UTRN: variants seen among roughly 807,000 people sequenced by gnomAD.
UTRN encodes dystrophin-related protein 1.
Under a neutral mutation model 463.9 loss-of-function variants are expected in UTRN, and 283 were observed. The ratio of observed to expected loss-of-function variants is 0.61; its 90% confidence interval spans 0.55 to 0.67. UTRN has a LOEUF of 0.67. Ranked by LOEUF, UTRN falls within the 30% of genes least tolerant of loss-of-function variation. The pLI, the probability that UTRN is intolerant of heterozygous loss-of-function variation, is 0.00. For missense variants in UTRN, 3,922 were observed against 4,084.3 expected (o/e 0.96, Z 1.08); for synonymous variants, 1,442 against 1,431.5 (o/e 1.01, Z -0.17).
intron 65 of UTRN, among the ~76,000 whole-genome samples, chr6:144,807,768 T>C (rs537833149): frequency 6.6e-6 from 1 of 152,304 alleles, no homozygotes; most frequent in East Asian, 1.9e-4. Context: ...TGTATCATTT[T>C]CTAACTGTGG....
chr6:144,779,960 A>T (rs1018050907), intron 60 of UTRN, among the ~76,000 whole-genome samples: 3 of 152,224 alleles, frequency 2.0e-5, no homozygotes, highest in African/African-American at 7.2e-5. Context: ...AAAAAAAAAA[A>T]AGTCTTCCCT....
In UTRN at chr6:144,537,709, G is replaced by A. The variant is rs745991582; in HGVS notation, c.6361G>A (p.Glu2121Lys). 6.2e-7 allele frequency: 1 copy of A among 1,609,882 alleles called. No individual in the cohort carries two copies. The highest frequency in any genetic ancestry group is 1.1e-5 in the South Asian group (1 of 90,316). ...CACCGAATTGGGAGAAAACCTGCAA[G>A]AATTAAGAGTAAGTTGTTTATTTCT... ...STTELGENLQ[E>K]LRDLTQEMEV... is the part of the protein sequence containing the mutation. The change falls in exon 44 of 75, where the codon GAA (glutamate) becomes AAA (lysine). Residue 2121 changes from glutamate to lysine, a missense_variant. By Grantham distance (56) the Glu-to-Lys change is moderately conservative. This residue lies in a region of UTRN where 2,349 missense variants were observed against 2,303.8 expected (regional missense o/e 1.02). Transcript: ENST00000367545.
intron 51 of UTRN, among the ~76,000 whole-genome samples, chr6:144,626,590 G>A (rs542793915): frequency 3.3e-5 from 5 of 152,350 alleles, no homozygotes; most frequent in African/African-American, 1.2e-4. Context: ...AGGCCACTCA[G>A]TTTCCCCCAA....
chr6:144,676,476 A>T (rs1328488717), intron 51 of UTRN, among the ~76,000 whole-genome samples: 1 of 151,484 alleles, frequency 6.6e-6, no homozygotes, highest in Non-Finnish European at 1.5e-5. Context: ...GCCTGAATAT[A>T]TCAGTTATTC....
Position 144,437,761 on chromosome 6 carries a change from A to G in UTRN, c.1241+15A>G, listed in dbSNP as rs774357687. 1.5e-5 allele frequency: 24 copies of G among 1,601,216 alleles called. 1 individual carries two copies. The Admixed American group carries it at 4.2e-4, about 28-fold the overall frequency. On this transcript the variant is annotated intron_variant, in intron 11 of 74. Transcript: ENST00000367545. The stretch of plus-strand genomic sequence containing the variant: ...AGACAGTCCCGGTGAGTGGAAAGCC[A>G]AGAAATGCACTTAATTCCACAGGCT...
chr6:144,550,144 C>T (rs532963714), intron 47 of UTRN, among the ~76,000 whole-genome samples: 2 of 152,146 alleles, frequency 1.3e-5, no homozygotes, highest in South Asian at 2.1e-4. Context: ...TAGTTTCAGA[C>T]GTGTTGTGGT....
At chr6:144,848,916 T>G (rs1473743107) in intron 74 of UTRN, among the ~76,000 whole-genome samples, 2 of 152,014 alleles carry the variant, frequency 1.3e-5, no homozygotes, top group African/African-American at 4.8e-5. Context: ...GATTCAAAGC[T>G]GGGTGTTTTT....
intron 65 of UTRN, among the ~76,000 whole-genome samples, chr6:144,816,113 C>T (rs746727710): frequency 3.9e-5 from 6 of 152,088 alleles, no homozygotes; most frequent in Non-Finnish European, 8.8e-5. Context: ...AGAGGACAGA[C>T]GAAAGTACTG....
chr6:144,428,329 AT>A (rs1417586701), intron 7 of UTRN, among the ~76,000 whole-genome samples: 1 of 151,686 alleles, frequency 6.6e-6, no homozygotes, highest in Admixed American at 6.6e-5. Context: ...TAATTGAAGA[AT>A]TTAGTCCATT....
At chr6:144,726,032 C>G (rs1176334328) in intron 53 of UTRN, among the ~76,000 whole-genome samples, 1 of 148,770 alleles carries the variant, frequency 6.7e-6, no homozygotes, top group East Asian at 2.0e-4. Context: ...ATTTCTTTTT[C>G]TTTTTTTTTT....
In UTRN at chr6:144,453,879, T is replaced by C. The variant is rs1788564885; in HGVS notation, c.2284+10T>C. On this transcript the variant is annotated intron_variant, in intron 19 of 74. Coordinates refer to ENST00000367545, the MANE Select transcript of UTRN (RefSeq NM_007124.3). ...GAGCAAATGGGAAAAGGTAAGATCC[T>C]TGATTTTTTTCCCCTATATTTTTCA... 6.2e-7 allele frequency: 1 copy of C among 1,608,878 alleles called. No individual in the cohort carries two copies.
chr6:144,604,098 C>T (rs565839511), intron 51 of UTRN, among the ~76,000 whole-genome samples: 14 of 152,270 alleles, frequency 9.2e-5, no homozygotes, highest in South Asian at 4.1e-4. Flanking sequence ...ATGTTACTTT[C>T]GAGGTCTATG....
chr6:144,448,521 G>A, intron 16 of UTRN, 79 bp from the exon 17 acceptor site: 1 of 1,502,348 alleles, frequency 6.7e-7, no homozygotes, highest in Non-Finnish European at 9.0e-7. Context: ...GTATTTCAAA[G>A]AAAGAATTTT....
chr6:144,650,308 A>T (rs1341434478), intron 51 of UTRN, among the ~76,000 whole-genome samples: 1 of 152,194 alleles, frequency 6.6e-6, no homozygotes, highest in East Asian at 1.9e-4. Flanking sequence ...CAGCCAAACC[A>T]TATCAGGAGG....
chr6:144,310,834 A>G (rs763106697), intron 2 of UTRN, among the ~76,000 whole-genome samples: 1 of 152,242 alleles, frequency 6.6e-6, no homozygotes, highest in Non-Finnish European at 1.5e-5. Flanking sequence ...GAAAAATATC[A>G]GTTCAATCTT....
rs929539443 is a variant in UTRN, at chr6:144,448,337, G to C, written c.1903-263G>C. 2.8e-4 allele frequency among the ~76,000 whole-genome samples: 43 copies of C among 152,144 alleles called. 1 individual carries two copies. The highest frequency in any genetic ancestry group is 1.5e-5 in the Non-Finnish European group (1 of 68,022). ...TCCATTCATAGGAAATGTCCACAAG[G>C]GGAAAATCCACAGAGATAGAAAGTA... On this transcript the variant is annotated intron_variant, in intron 16 of 74. Coordinates refer to ENST00000367545, the MANE Select transcript of UTRN (RefSeq NM_007124.3).
chr6:144,781,924 G>A lies in UTRN; in HGVS notation c.8635G>A (p.Asp2879Asn). 6.2e-7 allele frequency: 1 copy of A among 1,612,926 alleles called. No individual in the cohort carries two copies. Among genetic ancestry groups the A allele is most frequent in the Non-Finnish European group, 8.5e-7 (1 of 1,179,258 alleles). The change falls in exon 61 of 75, where the codon GAT (aspartate) becomes AAT (asparagine). Residue 2879 changes from aspartate (D) to asparagine (N), a missense_variant and splice_region_variant. By Grantham distance (23) the Asp-to-Asn change is conservative (BLOSUM62 1). Coordinates refer to ENST00000367545, the MANE Select transcript of UTRN (RefSeq NM_007124.3). ...ATTCCTTCTTCTCTCCTGGTTAGTG[G>A]ATCTCTTAGAGTTGAGTACAACAAA... ...IRRLQKALCLDLLELSTTNEI... is the reference protein window; with the variant it reads ...IRRLQKALCLNLLELSTTNEI...
chr6:144,337,145 A>G (rs764372233), intron 2 of UTRN, among the ~76,000 whole-genome samples: 7 of 149,384 alleles, frequency 4.7e-5, no homozygotes, highest in Non-Finnish European at 8.9e-5. Context: ...AGACTCACAC[A>G]CAGAGACACA....
intron 46 of UTRN, 26 bp downstream of exon 46, chr6:144,542,896 G>A (rs774523837): frequency 6.3e-7 from 1 of 1,585,082 alleles, no homozygotes; most frequent in Admixed American, 1.8e-5. Context: ...CTTTAACAAA[G>A]TTTTTTAAAA....
Sources: allele counts gnomAD v4.1 joint callset (sites outside exome capture counted in the v4.1 genomes callset), GRCh38; gene constraint gnomAD v4.1.1; regional missense constraint gnomAD v4.1.1; transcripts MANE v1.5; gene names NCBI Gene and HGNC (gene_info 2026-07-23, HGNC 2026-07-21).